The following NRROS variants were observed in gnomAD, a reference collection of about 807,000 sequenced individuals.
NRROS encodes the protein transforming growth factor beta activator LRRC33.
In NRROS, 6 loss-of-function variants were observed where a neutral mutation model predicts 12.0. The ratio of observed to expected loss-of-function variants is 0.50; its 90% CI spans 0.27 to 0.98. The LOEUF is 0.98. NRROS is among the 50% of genes least tolerant of loss of function. The pLI, the probability that NRROS is intolerant of heterozygous loss-of-function variation, is 0.11. For missense variants in NRROS, 857 were observed against 888.2 expected (o/e 0.96, Z 0.45); for synonymous variants, 462 against 410.2 (o/e 1.13, Z -1.53).
Position 196,654,615 on chromosome 3 carries a change from G to A in NRROS, c.76G>A (p.Ala26Thr). ...GGGCTGGAGGAACAGAAGCGGAACA[G>A]CCACAGCAGCCTCCCAAGGAGTCTG... ...TVGWRNRSGT[A>T]TAASQGVCKL... is the part of the protein sequence containing the mutation. Residue 26 changes from alanine to threonine, a missense_variant, in exon 2 of 3, where the codon GCC becomes ACC. Physicochemically the swap from Ala to Thr is moderately conservative, Grantham distance 58 (BLOSUM62 0). Coordinates refer to ENST00000328557, the MANE Select transcript of NRROS (RefSeq NM_198565.3). This position sits in a 1 kb window ranked among gnomAD's most constrained non-coding sequence, Gnocchi z 4.4. 2.5e-6 allele frequency: 4 copies of A among 1,613,900 alleles called. No homozygotes were observed. The highest frequency in any genetic ancestry group is 2.2e-5 in the East Asian group (1 of 44,884).
intron 2 of NRROS, among the ~76,000 whole-genome samples, chr3:196,659,518 A>G (rs565781938): frequency 1.2e-3 from 180 of 152,062 alleles, no homozygotes; most frequent in Non-Finnish European, 2.0e-3. Context: ...CATGTTGGCC[A>G]GGCTGGTTTT....
chr3:196,659,423 T>C (rs1356009041), intron 2 of NRROS, among the ~76,000 whole-genome samples: 2 of 149,672 alleles, frequency 1.3e-5, no homozygotes, highest in Non-Finnish European at 3.0e-5. Context: ...ATTCTCTGCC[T>C]CAGCCTCCGG....
intron 1 of NRROS, among the ~76,000 whole-genome samples, chr3:196,645,852 C>T (rs1422012059): frequency 1.3e-5 from 2 of 152,172 alleles, no homozygotes; most frequent in African/African-American, 2.4e-5. Context: ...GCTGCAGCTC[C>T]CAGGGGTGGG....
chr3:196,642,619 T>C (rs1412591643), intron 1 of NRROS, among the ~76,000 whole-genome samples: 1 of 152,002 alleles, frequency 6.6e-6, no homozygotes, highest in Non-Finnish European at 1.5e-5. Context: ...GAAAATGGAG[T>C]GCTCTCACGG....
chr3:196,644,197 C>T (rs912625218), intron 1 of NRROS, among the ~76,000 whole-genome samples: 1 of 152,176 alleles, frequency 6.6e-6, no homozygotes, highest in Non-Finnish European at 1.5e-5. Context: ...CCTCTGACAG[C>T]CCCCGTCTTG....
chr3:196,640,348 G>C (rs182013765), intron 1 of NRROS, among the ~76,000 whole-genome samples: 33 of 152,306 alleles, frequency 2.2e-4, no homozygotes, highest in African/African-American at 7.7e-4. Context: ...CCACAACGTG[G>C]ATTGAGAACC....
chr3:196,650,281 T>A (rs990401120), intron 1 of NRROS, among the ~76,000 whole-genome samples: 4 of 152,146 alleles, frequency 2.6e-5, no homozygotes, highest in African/African-American at 9.7e-5. Context: ...GTAGCTGGGA[T>A]TACAGGCATC....
chr3:196,653,613 G>A (rs1737476078), intron 1 of NRROS, among the ~76,000 whole-genome samples: 2 of 152,248 alleles, frequency 1.3e-5, no homozygotes, highest in Admixed American at 1.3e-4. Flanking sequence ...AGCAGTGAGT[G>A]CAGCCTCGCT....
chr3:196,640,399 A>T (rs1737184810), intron 1 of NRROS, among the ~76,000 whole-genome samples: 1 of 152,194 alleles, frequency 6.6e-6, no homozygotes, highest in South Asian at 2.1e-4. Context: ...GTTAACAGCA[A>T]CACCTATCAC....
chr3:196,659,524 GT>G (rs1737615088), intron 2 of NRROS, among the ~76,000 whole-genome samples: 1 of 151,994 alleles, frequency 6.6e-6, no homozygotes, highest in Non-Finnish European at 1.5e-5. Flanking sequence ...GGCCAGGCTG[GT>G]TTTGAACTCC....
At chr3:196,652,175 A>G (rs1309547702) in intron 1 of NRROS, among the ~76,000 whole-genome samples, 1 of 152,160 alleles carries the variant, frequency 6.6e-6, no homozygotes, top group Non-Finnish European at 1.5e-5. Context: ...CTTCCTGCAT[A>G]TGTTTTACAT....
At chr3:196,657,717 A>G (rs917122623) in intron 2 of NRROS, among the ~76,000 whole-genome samples, 6 of 151,804 alleles carry the variant, frequency 4.0e-5, no homozygotes, top group African/African-American at 7.3e-5. Flanking sequence ...CAAAAAAAAA[A>G]AAAAAAGATA....
At chr3:196,644,616 G>T (rs1479804112) in intron 1 of NRROS, among the ~76,000 whole-genome samples, 2 of 150,448 alleles carry the variant, frequency 1.3e-5, no homozygotes, top group East Asian at 3.9e-4. Context: ...AAAATTACCC[G>T]GGTGTGATGG....
At chr3:196,640,380 C>G (rs1737184723) in intron 1 of NRROS, among the ~76,000 whole-genome samples, 1 of 152,202 alleles carries the variant, frequency 6.6e-6, no homozygotes, top group Admixed American at 6.5e-5. Flanking sequence ...GATGAAGACA[C>G]TAAGACTGGT....
intron 1 of NRROS, among the ~76,000 whole-genome samples, chr3:196,649,114 G>A (rs1191946717): frequency 1.3e-5 from 2 of 152,224 alleles, no homozygotes; most frequent in Non-Finnish European, 2.9e-5. Context: ...TTTGGTGAAA[G>A]TTGAGGTCAT....
intron 1 of NRROS, among the ~76,000 whole-genome samples, chr3:196,647,758 C>T (rs1737339838): frequency 6.6e-6 from 1 of 152,116 alleles, no homozygotes; most frequent in Non-Finnish European, 1.5e-5. Flanking sequence ...GGGGTTTCAC[C>T]ATGTTGGTCA....
chr3:196,642,424 C>G (rs1345515343), intron 1 of NRROS, among the ~76,000 whole-genome samples: 1 of 152,170 alleles, frequency 6.6e-6, no homozygotes, highest in African/African-American at 2.4e-5. Flanking sequence ...CTTTGCCTTC[C>G]TCTCTGTGGG....
intron 1 of NRROS, among the ~76,000 whole-genome samples, chr3:196,648,484 C>T (rs905888824): frequency 5.3e-5 from 8 of 151,912 alleles, no homozygotes; most frequent in Non-Finnish European, 1.0e-4. Flanking sequence ...ATCCAACATC[C>T]GGCCAAGCTC....
rs146096209 is a variant in NRROS at position 196,661,633 on chromosome 3, C to T, written c.1990C>T (p.Leu664=). Residue 664 remains leucine, a synonymous_variant, in exon 3 of 3, where the codon CTG becomes TTG. Coordinates refer to ENST00000328557, the MANE Select transcript of NRROS (RefSeq NM_198565.3). The part of the protein sequence containing the change: ...VLILPSCLTL[L]VACTVIVLTF... ...CATCCTCCCCAGCTGCCTCACCCTG[C>T]TGGTGGCCTGCACTGTCATCGTCCT... 3 of 1,611,726 alleles carry T rather than the reference C, an allele frequency of 1.9e-6. No individual in the cohort carries two copies. The highest frequency in any genetic ancestry group is 2.5e-6 in the Non-Finnish European group (3 of 1,180,002).
Sources: allele counts gnomAD v4.1 joint callset (sites outside exome capture counted in the v4.1 genomes callset), GRCh38; gene constraint gnomAD v4.1.1; non-coding constraint Gnocchi (gnomAD v3.1); transcripts MANE v1.5; gene names NCBI Gene and HGNC (gene_info 2026-07-23, HGNC 2026-07-21).